GPR149: variants seen among roughly 807,000 people sequenced by gnomAD.
The protein encoded by GPR149 is G protein-coupled receptor 149, also known as probable G protein-coupled receptor 149.
A neutral mutation model predicts 50.2 loss-of-function variants in GPR149; 50 were observed. That is an observed-to-expected ratio of 1.00 (90% CI 0.79 to 1.26). The LOEUF (loss-of-function observed/expected upper bound fraction) is 1.26, where lower values mean the gene tolerates loss of function less well. GPR149 is among the 50% of genes most tolerant of loss of function. The pLI, the probability that GPR149 is intolerant of heterozygous loss-of-function variation, is 0.00. For missense variants in GPR149, 983 were observed against 895.4 expected (o/e 1.10, Z -1.25); for synonymous variants, 405 against 358.2 (o/e 1.13, Z -1.48).
At chr3:154,378,488 T>C (rs1714846196) in intron 3 of GPR149, among the ~76,000 whole-genome samples, 1 of 152,222 alleles carries the variant, frequency 6.6e-6, no homozygotes, top group Non-Finnish European at 1.5e-5. Context: ...TAACCATTCA[T>C]GTAGCTGCCT....
chr3:154,354,073 A>G (rs543727541), intron 3 of GPR149: 103 of 461,706 alleles, frequency 2.2e-4, no homozygotes, highest in Non-Finnish European at 4.1e-4. Context: ...TATGAGATTT[A>G]GAGAATTTAT....
chr3:154,399,826 A>G lies in GPR149; in HGVS notation c.1623+21213T>C, dbSNP rs184305911. On this transcript the variant is annotated intron_variant, in intron 3 of 3. Coordinates refer to ENST00000389740, the MANE Select transcript of GPR149 (RefSeq NM_001038705.3). ...AACACCTAAATCACCTCCACACTCC[A>G]GCTTGAAAAACACAGTTGCTTTCAC... Among the ~76,000 whole-genome samples, 172 of 152,308 alleles carry G rather than the reference A, an allele frequency of 1.1e-3. 1 individual carries two copies. Among genetic ancestry groups the G allele is most frequent in the African/African-American group, 4.0e-3 (168 of 41,576 alleles).
chr3:154,402,399 G>C (rs1254464845), intron 3 of GPR149, among the ~76,000 whole-genome samples: 1 of 139,474 alleles, frequency 7.2e-6, no homozygotes, highest in Non-Finnish European at 1.5e-5. Flanking sequence ...CTAGATGGCA[G>C]AGTGAGACCC....
At chr3:154,399,332 T>G (rs1715366520) in intron 3 of GPR149, among the ~76,000 whole-genome samples, 1 of 152,212 alleles carries the variant, frequency 6.6e-6, no homozygotes, top group South Asian at 2.1e-4. Flanking sequence ...TAAAAAATAC[T>G]GCAACTCTCA....
intron 3 of GPR149, among the ~76,000 whole-genome samples, chr3:154,386,385 G>A (rs1226355751): frequency 1.3e-5 from 2 of 152,212 alleles, no homozygotes; most frequent in African/African-American, 4.8e-5. Flanking sequence ...TCAGCCTGAC[G>A]AATTCCCACC....
intron 3 of GPR149, among the ~76,000 whole-genome samples, chr3:154,408,348 T>C (rs184044365): frequency 6.6e-6 from 1 of 152,236 alleles, no homozygotes; most frequent in African/African-American, 2.4e-5. Flanking sequence ...AGGAATTGGA[T>C]CACCACTGCA....
intron 3 of GPR149, among the ~76,000 whole-genome samples, chr3:154,363,856 C>T (rs547436266): frequency 2.2e-4 from 33 of 151,854 alleles, no homozygotes; most frequent in African/African-American, 7.5e-4. Flanking sequence ...ACTTTTGGGT[C>T]CCCCTCCCAC....
At chr3:154,354,719 G>T (rs1024603812) in intron 3 of GPR149, 8 of 608,490 alleles carry the variant, frequency 1.3e-5, no homozygotes, top group African/African-American at 1.2e-4. Flanking sequence ...AATACCTTTT[G>T]CCTGTCCTTC....
intron 3 of GPR149, among the ~76,000 whole-genome samples, chr3:154,396,708 A>T (rs1420209424): frequency 6.6e-6 from 1 of 152,050 alleles, no homozygotes; most frequent in Non-Finnish European, 1.5e-5. Flanking sequence ...AGACTTTATT[A>T]TGTATGTAAG....
At chr3:154,385,473 C>T (rs1489584353) in intron 3 of GPR149, among the ~76,000 whole-genome samples, 1 of 152,070 alleles carries the variant, frequency 6.6e-6, no homozygotes, top group Non-Finnish European at 1.5e-5. Context: ...GGGGAGTGAG[C>T]AGGGCAAAAA....
At chr3:154,419,160 T>A (rs1437887316) in intron 3 of GPR149, among the ~76,000 whole-genome samples, 1 of 152,094 alleles carries the variant, frequency 6.6e-6, no homozygotes, top group Non-Finnish European at 1.5e-5. Context: ...TGTTTAAATA[T>A]CTATATTTAA....
chr3:154,342,917 C>T (rs916622236), intron 3 of GPR149, among the ~76,000 whole-genome samples: 1 of 152,076 alleles, frequency 6.6e-6, no homozygotes, highest in Admixed American at 6.6e-5. Context: ...CCTCCAAATA[C>T]CAGAACATCA....
intron 2 of GPR149, among the ~76,000 whole-genome samples, chr3:154,426,366 T>TA (rs1274564302): frequency 1.3e-5 from 2 of 152,210 alleles, no homozygotes; most frequent in Non-Finnish European, 2.9e-5. Flanking sequence ...TTATATAAAA[T>TA]AACTTTGTCG....
chr3:154,423,814 A>G (rs1010225732), intron 2 of GPR149, among the ~76,000 whole-genome samples: 1 of 151,734 alleles, frequency 6.6e-6, no homozygotes, highest in Non-Finnish European at 1.5e-5. Flanking sequence ...AAAAGTGTCT[A>G]TGGGGCCAGT....
rs1238895826 is a variant in GPR149 at position 154,429,090 on chromosome 3, C to A, written c.526G>T (p.Val176Leu). 1 of 1,613,680 alleles carries A rather than the reference C, an allele frequency of 6.2e-7. No individual in the cohort carries two copies. Among genetic ancestry groups the A allele is most frequent in the South Asian group, 1.1e-5 (1 of 91,070 alleles). Reference sequence around the variant, plus strand: ...ACCAGGCAGCCCCAGGGCGTGCGCACGAAGGCGCCCCAGCCGCACAGCGGG... The same window carrying A: ...ACCAGGCAGCCCCAGGGCGTGCGCAAGAAGGCGCCCCAGCCGCACAGCGGG... ...ALPLCGWGAF[V>L]RTPWGCLVDC... The change falls in exon 1 of 4, where the codon GTG becomes TTG. Residue 176 changes from valine to leucine, a missense_variant. Coordinates refer to ENST00000389740, the MANE Select transcript of GPR149 (RefSeq NM_001038705.3).
intron 3 of GPR149, chr3:154,354,741 G>T: frequency 1.5e-6 from 1 of 688,204 alleles, no homozygotes; most frequent in Non-Finnish European, 2.2e-6. Flanking sequence ...TCTGGCTCTC[G>T]GACTCCTCCA....
intron 3 of GPR149, among the ~76,000 whole-genome samples, chr3:154,365,225 TG>T (rs58514251): frequency 6.6e-6 from 1 of 152,250 alleles, no homozygotes; most frequent in African/African-American, 2.4e-5. Flanking sequence ...CACCAGAGTA[TG>T]GGGGAGGAGA....
At chr3:154,370,761 G>A (rs1714646308) in intron 3 of GPR149, among the ~76,000 whole-genome samples, 1 of 152,116 alleles carries the variant, frequency 6.6e-6, no homozygotes, top group Non-Finnish European at 1.5e-5. Flanking sequence ...CTGAACGACT[G>A]TCCTCAAAGT....
chr3:154,404,567 G>T (rs2108420013), intron 3 of GPR149, among the ~76,000 whole-genome samples: 1 of 152,248 alleles, frequency 6.6e-6, no homozygotes, highest in South Asian at 2.1e-4. Context: ...TCTGTGAGGG[G>T]AATAGATTTA....
Sources: gnomAD v4.1 joint callset for allele counts (sites outside exome capture counted in the v4.1 genomes callset) on GRCh38, gnomAD v4.1.1 for gene constraint, MANE v1.5 for transcripts, NCBI Gene and HGNC (gene_info 2026-07-23, HGNC 2026-07-21) for gene names.